The following ANO3 variants were observed in gnomAD, a reference collection of about 807,000 sequenced individuals.
ANO3 encodes the protein anoctamin-3.
In ANO3, 99 loss-of-function variants were observed where a neutral mutation model predicts 144.8. That is an observed-to-expected ratio of 0.68 (90% CI 0.58 to 0.81). The LOEUF is 0.81. ANO3 is among the 30% of genes least tolerant of loss of function. The pLI, the probability that ANO3 is intolerant of heterozygous loss-of-function variation, is 0.00. For synonymous variants in ANO3, 414 were observed against 392.6 expected (o/e 1.05, Z -0.64); for missense variants, 905 against 1,202.2 (o/e 0.75, Z 3.66).
rs984741320 is a variant in ANO3, at chr11:26,525,788, C to A, written c.737+109C>A. The A allele has an allele frequency of 3.9e-5, 30 of 771,114 alleles. No homozygotes were observed. In the East Asian group the frequency reaches 8.1e-4, roughly 21 times the overall value. 47.8% of individuals were successfully genotyped at this position (771,114 alleles called of 1,614,324 possible). A position where few individuals can be genotyped will look rare whatever the true frequency, so the allele number is the denominator to read the frequency against. On this transcript the variant is annotated intron_variant, in intron 7 of 26. Coordinates refer to ENST00000256737, the MANE Select transcript of ANO3 (RefSeq NM_031418.4). The stretch of plus-strand genomic sequence containing the variant: ...GTTGTAAATCATAGGAAGAAAAATT[C>A]TATTGATTTGTCGAAGATATTTCCA...
intron 4 of ANO3, among the ~76,000 whole-genome samples, chr11:26,493,336 T>C (rs767787138): frequency 5.3e-5 from 8 of 152,142 alleles, no homozygotes; most frequent in Admixed American, 2.6e-4. Context: ...TTTATTGATA[T>C]ATTGTGTGAT....
intron 1 of ANO3, among the ~76,000 whole-genome samples, chr11:26,348,744 A>G (rs1290893277): frequency 6.6e-6 from 1 of 152,228 alleles, no homozygotes; most frequent in Admixed American, 6.5e-5. Context: ...TGTGGAAGGT[A>G]CAAGGGTTGT....
chr11:26,234,127 A>G (rs71480116), intron 1 of ANO3, among the ~76,000 whole-genome samples: 1 of 152,324 alleles, frequency 6.6e-6, no homozygotes, highest in Admixed American at 6.5e-5. Context: ...ACAAAACAGT[A>G]TAACGTTTGT....
At chr11:26,335,185 A>C (rs1855161138) in intron 1 of ANO3, among the ~76,000 whole-genome samples, 1 of 152,202 alleles carries the variant, frequency 6.6e-6, no homozygotes, top group South Asian at 2.1e-4. Flanking sequence ...ATGTCATTTA[A>C]TATCACTAAG....
At chr11:26,453,618 C>A (rs1045995985) in intron 3 of ANO3, among the ~76,000 whole-genome samples, 5 of 152,036 alleles carry the variant, frequency 3.3e-5, no homozygotes, top group African/African-American at 1.2e-4. Context: ...TAGACTCCCA[C>A]ACATTAATAA....
chr11:26,242,129 T>A (rs532634110), intron 1 of ANO3, among the ~76,000 whole-genome samples: 11 of 152,226 alleles, frequency 7.2e-5, no homozygotes, highest in Non-Finnish European at 1.6e-4. Context: ...GTTGAAATTG[T>A]TGAAAACATT....
At position 26,449,361 on chromosome 11, in the gene ANO3, G is replaced by C. The variant is rs1488880858; in HGVS notation, c.313+5525G>C. On this transcript the variant is annotated intron_variant, in intron 3 of 26. Transcript: ENST00000256737. ...ACTGTCAATCTTGCTGCCACCTTTA[G>C]CACCAGAATCAGGAATAGTACCTGA... Among the ~76,000 whole-genome samples, 5 of 152,144 alleles carry C rather than the reference G, an allele frequency of 3.3e-5. No homozygotes were observed. In the East Asian group the frequency reaches 9.7e-4, roughly 29 times the overall value.
At chr11:26,620,125 A>G (rs907378838) in intron 17 of ANO3, among the ~76,000 whole-genome samples, 26 of 152,344 alleles carry the variant, frequency 1.7e-4, no homozygotes, top group Non-Finnish European at 1.8e-4. Flanking sequence ...TGCTACCCTC[A>G]GAAAAGGATA....
intron 1 of ANO3, among the ~76,000 whole-genome samples, chr11:26,230,704 G>A (rs1852372161): frequency 7.0e-6 from 1 of 142,996 alleles, no homozygotes; most frequent in African/African-American, 2.6e-5. Context: ...GGCTGAGGCA[G>A]GAAAACTGCT....
At chr11:26,496,159 T>C (rs1381039434) in intron 4 of ANO3, among the ~76,000 whole-genome samples, 1 of 152,232 alleles carries the variant, frequency 6.6e-6, no homozygotes, top group East Asian at 1.9e-4. Flanking sequence ...TGCAAATAAA[T>C]TCAACCTGCC....
intron 6 of ANO3, among the ~76,000 whole-genome samples, chr11:26,518,504 A>C (rs2134155641): frequency 6.6e-6 from 1 of 152,166 alleles, no homozygotes; most frequent in Middle Eastern, 3.4e-3. Flanking sequence ...AACTTCGTAA[A>C]AATATTCTGA....
intron 1 of ANO3, among the ~76,000 whole-genome samples, chr11:26,298,006 G>C (rs1041126176): frequency 1.3e-5 from 2 of 152,152 alleles, no homozygotes; most frequent in Admixed American, 6.6e-5. Flanking sequence ...ATAGAAACTA[G>C]TATCTCAATC....
intron 7 of ANO3, among the ~76,000 whole-genome samples, chr11:26,530,914 C>T (rs532916509): frequency 1.1e-3 from 166 of 151,786 alleles, no homozygotes; most frequent in Non-Finnish European, 2.1e-3. Flanking sequence ...CTCTTTCCTA[C>T]CACCATCTTT....
intron 1 of ANO3, among the ~76,000 whole-genome samples, chr11:26,235,623 G>T: frequency 6.8e-6 from 1 of 148,020 alleles, no homozygotes. Context: ...GTCTTTAGGA[G>T]TATTAGTGAA....
At chr11:26,612,155 C>T (rs912027880) in intron 17 of ANO3, among the ~76,000 whole-genome samples, 1 of 151,868 alleles carries the variant, frequency 6.6e-6, no homozygotes, top group Non-Finnish European at 1.5e-5. Flanking sequence ...TTAATGATTT[C>T]TTGGTTGTTT....
At chr11:26,480,440 A>G (rs1004762123) in intron 4 of ANO3, among the ~76,000 whole-genome samples, 1 of 152,196 alleles carries the variant, frequency 6.6e-6, no homozygotes, top group South Asian at 2.1e-4. Flanking sequence ...ATGAAACAAC[A>G]TGTTCGGCTG....
rs564480440 is a variant in ANO3 at position 26,573,060 on chromosome 11, C to CA, written c.1447+13281_1447+13282insA. 9.2e-4 allele frequency among the ~76,000 whole-genome samples: 140 copies of CA among 152,200 alleles called. 1 individual carries two copies. The South Asian group carries it at 0.01, about 11-fold the overall frequency. The stretch of plus-strand genomic sequence containing the variant: ...GAAACTGGGATCTTCCGCACATCAG[C>CA]GTTTGGGGATGGCGCCAAGGGCCGT... On this transcript the variant is annotated intron_variant, in intron 14 of 26. Transcript: ENST00000256737.
chr11:26,547,994 T>C (rs1849832225), intron 12 of ANO3, among the ~76,000 whole-genome samples: 1 of 151,954 alleles, frequency 6.6e-6, no homozygotes, highest in Non-Finnish European at 1.5e-5. Flanking sequence ...GATGCATAGC[T>C]CTTTTTGCAC....
intron 1 of ANO3, among the ~76,000 whole-genome samples, chr11:26,273,683 C>T (rs1310330278): frequency 6.7e-6 from 1 of 149,006 alleles, no homozygotes; most frequent in Non-Finnish European, 1.5e-5. Flanking sequence ...CAAATTCTGT[C>T]GGGGGAAGGT....
Sources: allele counts gnomAD v4.1 joint callset (sites outside exome capture counted in the v4.1 genomes callset), GRCh38; gene constraint gnomAD v4.1.1; transcripts MANE v1.5; gene names NCBI Gene and HGNC (gene_info 2026-07-23, HGNC 2026-07-21).